The following ANO10 variants were observed in gnomAD, a reference collection of about 807,000 sequenced individuals.
ANO10 encodes anoctamin-10.
A neutral mutation model predicts 74.7 loss-of-function variants in ANO10; 77 were observed. The ratio of observed to expected loss-of-function variants is 1.03; its 90% CI spans 0.86 to 1.25. The LOEUF (loss-of-function observed/expected upper bound fraction) is 1.25. ANO10 is among the 50% of genes most tolerant of loss of function. ANO10 has a pLI of 0.00. For synonymous variants in ANO10, 279 were observed against 284.9 expected, an observed-to-expected ratio of 0.98 and a Z score of 0.21; for missense variants, 721 against 778.1, an observed-to-expected ratio of 0.93 and a Z score of 0.87.
chr3:43,368,644 TCTAG>T (rs1278631742), intron 12 of ANO10, among the ~76,000 whole-genome samples: 1 of 152,120 alleles, frequency 6.6e-6, no homozygotes, highest in Non-Finnish European at 1.5e-5. Context: ...TGCAGACTCT[TCTAG>T]CTGTTATCAT....
At chr3:43,679,127 C>T (rs760864997) in intron 1 of ANO10, among the ~76,000 whole-genome samples, 6 of 152,160 alleles carry the variant, frequency 3.9e-5, no homozygotes, top group African/African-American at 4.8e-5. Context: ...AAGTGTGAGC[C>T]GAAGCAGGGC....
chr3:43,644,458 C>T (rs1376902795), intron 1 of ANO10, among the ~76,000 whole-genome samples: 2 of 152,166 alleles, frequency 1.3e-5, no homozygotes, highest in Non-Finnish European at 2.9e-5. Flanking sequence ...GAACTGCTCC[C>T]TCCCTCCCTG....
At position 43,469,209 on chromosome 3, in the gene ANO10, AT is replaced by A. The variant is rs541422598; in HGVS notation, c.1798-36483del. Reference sequence around the variant, plus strand: ...AGGCACACACAACCATGCCCGGCTAATTTTTTTTTTGTATCTTTAGTAGACA... The same window carrying A: ...AGGCACACACAACCATGCCCGGCTAATTTTTTTTTGTATCTTTAGTAGACA... On this transcript the variant is annotated intron_variant, in intron 11 of 12. Coordinates refer to ENST00000292246, the MANE Select transcript of ANO10 (RefSeq NM_018075.5). Among the ~76,000 whole-genome samples, 791 of 145,476 alleles carry A rather than the reference AT, an allele frequency of 5.4e-3. 7 individuals are homozygous for A. Among genetic ancestry groups the A allele is most frequent in the African/African-American group, 0.018 (720 of 39,582 alleles).
chr3:43,603,399 T>C (rs1327421689), intron 2 of ANO10, among the ~76,000 whole-genome samples: 1 of 152,194 alleles, frequency 6.6e-6, no homozygotes, highest in Non-Finnish European at 1.5e-5. Flanking sequence ...TTTACCTTTT[T>C]GCTCTTCTTT....
At position 43,552,697 on chromosome 3, in the gene ANO10, GATATATATATAT is replaced by G. The variant is rs57438732; in HGVS notation, c.1668+2569_1668+2580del. On this transcript the variant is annotated intron_variant, in intron 10 of 12. Transcript: ENST00000292246. ...TCATTTCTGAAAAATATTATCTCTG[GATATATATATAT>G]ATATATATATATATATATATGTATG... Among the ~76,000 whole-genome samples, 741 of 124,488 alleles carry G rather than the reference GATATATATATAT, an allele frequency of 6.0e-3. 9 individuals carry two copies. The highest frequency in any genetic ancestry group is 0.021 in the African/African-American group (683 of 32,932). 81.7% of individuals were successfully genotyped at this position (124,488 alleles called of 152,430 possible).
intron 1 of ANO10, among the ~76,000 whole-genome samples, chr3:43,678,684 G>C (rs562048586): frequency 6.6e-6 from 1 of 152,116 alleles, no homozygotes; most frequent in Non-Finnish European, 1.5e-5. Context: ...AGGAATCTTC[G>C]AATGCCCCTG....
At chr3:43,595,304 C>T (rs1447372141) in intron 4 of ANO10, among the ~76,000 whole-genome samples, 1 of 152,014 alleles carries the variant, frequency 6.6e-6, no homozygotes, top group African/African-American at 2.4e-5. Flanking sequence ...GGCAGAGACA[C>T]AACAAAAAAA....
intron 12 of ANO10, among the ~76,000 whole-genome samples, chr3:43,424,159 T>G (rs1255382968): frequency 3.9e-5 from 6 of 152,090 alleles, no homozygotes; most frequent in African/African-American, 1.4e-4. Context: ...TACAGGAAGG[T>G]CAAGTCACTT....
chr3:43,612,140 TTATATATATATATATATATA>T lies in ANO10; in HGVS notation c.-11-6297_-11-6278del, dbSNP rs55675402. On this transcript the variant is annotated intron_variant, in intron 1 of 12. Coordinates refer to ENST00000292246, the MANE Select transcript of ANO10 (RefSeq NM_018075.5). ...AGTGGAATAAAGAAAATTAAATATTTTATATATATATATATATATATATATATATATATATATATATATAT... is the reference window on the plus strand; with the variant it reads ...AGTGGAATAAAGAAAATTAAATATTTTATATATATATATATATATATATAT... Among the ~76,000 whole-genome samples the T allele has an allele frequency of 1.6e-3, 105 of 64,560 alleles. 2 individuals are homozygous for T. Among genetic ancestry groups the T allele is most frequent in the Middle Eastern group, 0.026 (2 of 78 alleles). 42.4% of individuals were successfully genotyped at this position (64,560 alleles called of 152,430 possible).
At chr3:43,473,098 T>C (rs2075928047) in intron 11 of ANO10, among the ~76,000 whole-genome samples, 1 of 152,188 alleles carries the variant, frequency 6.6e-6, no homozygotes, top group Non-Finnish European at 1.5e-5. Context: ...ACAAAACTAA[T>C]CTTGGCAAAT....
At chr3:43,446,040 G>A (rs966349278) in intron 11 of ANO10, among the ~76,000 whole-genome samples, 2 of 152,168 alleles carry the variant, frequency 1.3e-5, no homozygotes, top group Non-Finnish European at 2.9e-5. Context: ...AAGACAAGAA[G>A]CCTGGCGGAG....
intron 9 of ANO10, among the ~76,000 whole-genome samples, chr3:43,558,489 G>GGA (rs2079871209): frequency 6.6e-6 from 1 of 152,084 alleles, no homozygotes; most frequent in Non-Finnish European, 1.5e-5. Flanking sequence ...ACCATGGGTG[G>GGA]GAATATTACA....
chr3:43,407,659 G>A (rs2092600295), intron 12 of ANO10, among the ~76,000 whole-genome samples: 1 of 152,220 alleles, frequency 6.6e-6, no homozygotes, highest in Admixed American at 6.5e-5. Context: ...CGCTCTGGTT[G>A]TGGCCCAGAG....
At chr3:43,636,391 C>T (rs9831055) in intron 1 of ANO10, 13,254 of 152,270 alleles carry the variant, frequency 0.087, 814 homozygotes, top group African/African-American at 0.17. Context: ...GAGATGCACA[C>T]ACTGGCAGTT....
chr3:43,429,923 G>T (rs2092956044), intron 12 of ANO10, among the ~76,000 whole-genome samples: 1 of 152,108 alleles, frequency 6.6e-6, no homozygotes. Flanking sequence ...TTTGGTGTTG[G>T]AGAGTAATTG....
intron 11 of ANO10, among the ~76,000 whole-genome samples, chr3:43,532,606 T>C (rs1418911181): frequency 6.6e-6 from 1 of 152,194 alleles, no homozygotes; most frequent in Non-Finnish European, 1.5e-5. Context: ...GTGTATTGTT[T>C]TATGAATTTT....
intron 5 of ANO10, among the ~76,000 whole-genome samples, chr3:43,578,749 CAAAAAA>C (rs56186109): frequency 1.6e-3 from 100 of 64,416 alleles, no homozygotes; most frequent in African/African-American, 4.6e-3. Context: ...GACTCCATCT[CAAAAAA>C]AAAAAAAAAA....
At chr3:43,607,556 C>T (rs929146561) in intron 1 of ANO10, among the ~76,000 whole-genome samples, 4 of 152,084 alleles carry the variant, frequency 2.6e-5, no homozygotes, top group Non-Finnish European at 4.4e-5. Context: ...CCACTTTGAA[C>T]TGGGATCTGA....
At chr3:43,554,979 A>G (rs1228687210) in intron 10 of ANO10, among the ~76,000 whole-genome samples, 1 of 152,178 alleles carries the variant, frequency 6.6e-6, no homozygotes, top group Non-Finnish European at 1.5e-5. Context: ...GGGTCTCATT[A>G]ATACTGGCTG....
Sources: allele counts gnomAD v4.1 joint callset (sites outside exome capture counted in the v4.1 genomes callset), GRCh38; gene constraint gnomAD v4.1.1; transcripts MANE v1.5; gene names NCBI Gene and HGNC (gene_info 2026-07-23, HGNC 2026-07-21).